DPP6: variants seen among roughly 807,000 people sequenced by gnomAD.
The protein encoded by DPP6 is dipeptidyl peptidase like 6.
A neutral mutation model predicts 122.6 loss-of-function variants in DPP6; 69 were observed. That is an observed-to-expected ratio of 0.56 (90% CI 0.46 to 0.69). The LOEUF (loss-of-function observed/expected upper bound fraction) is 0.69, where lower values mean the gene tolerates loss of function less well. DPP6 is among the 30% of genes least tolerant of loss of function. The pLI is 0.00. For missense variants in DPP6, 928 were observed against 1,116.9 expected (o/e 0.83, Z 2.41); for synonymous variants, 418 against 433.1 (o/e 0.97, Z 0.43).
intron 1 of DPP6, among the ~76,000 whole-genome samples, chr7:153,966,501 C>T (rs1410874935): frequency 7.0e-6 from 1 of 142,876 alleles, no homozygotes; most frequent in African/African-American, 2.6e-5. Context: ...CGTTCATCTT[C>T]CTCTCCTCCT....
At chr7:154,784,328 G>A (rs1797209619) in intron 10 of DPP6, among the ~76,000 whole-genome samples, 2 of 152,060 alleles carry the variant, frequency 1.3e-5, no homozygotes, top group Non-Finnish European at 2.9e-5. Context: ...ACTTGCCTGA[G>A]GAAAACCTTA....
intron 8 of DPP6, 148 bp from the exon 9 acceptor site, chr7:154,769,269 A>G: frequency 4.1e-6 from 4 of 970,734 alleles, no homozygotes; most frequent in Non-Finnish European, 6.0e-6. Context: ...CATGTGCAGA[A>G]CACAGTGAAG....
At chr7:154,565,397 T>C (rs1025889075) in intron 4 of DPP6, among the ~76,000 whole-genome samples, 15 of 152,324 alleles carry the variant, frequency 9.8e-5, no homozygotes, top group African/African-American at 3.6e-4. Flanking sequence ...TCCCAAGGTG[T>C]GCACCATGTG....
intron 1 of DPP6, among the ~76,000 whole-genome samples, chr7:154,419,915 A>T (rs571099474): frequency 1.3e-5 from 2 of 152,252 alleles, no homozygotes; most frequent in South Asian, 2.1e-4. Flanking sequence ...AGCACCATTC[A>T]CGGCAGCCGA....
At chr7:154,672,988 T>C (rs1443513208) in intron 7 of DPP6, among the ~76,000 whole-genome samples, 1 of 152,112 alleles carries the variant, frequency 6.6e-6, no homozygotes, top group African/African-American at 2.4e-5. Context: ...ACCCCTGTTT[T>C]AGGGGATCAT....
chr7:153,847,435 A>G, the DPP6 span, among the ~76,000 whole-genome samples: 1 of 152,210 alleles, frequency 6.6e-6, no homozygotes. Flanking sequence ...TTGACTATGC[A>G]TAATATTTTA....
chr7:154,487,820 G>A (rs931443091), intron 3 of DPP6, among the ~76,000 whole-genome samples: 1 of 152,000 alleles, frequency 6.6e-6, no homozygotes, highest in African/African-American at 2.4e-5. Context: ...TTCAAACATC[G>A]ATCACCTTCT....
At chr7:154,412,203 G>C (rs1297238049) in intron 1 of DPP6, among the ~76,000 whole-genome samples, 1 of 152,066 alleles carries the variant, frequency 6.6e-6, no homozygotes, top group Non-Finnish European at 1.5e-5. Flanking sequence ...CTAATCTTGG[G>C]GGTTAGGATT....
chr7:154,358,957 C>G (rs977967469), intron 1 of DPP6, among the ~76,000 whole-genome samples: 2 of 152,200 alleles, frequency 1.3e-5, no homozygotes, highest in Non-Finnish European at 2.9e-5. Context: ...CCACCTGCCT[C>G]GGCCTCCCAA....
At chr7:154,654,585 A>T (rs1264027814) in intron 6 of DPP6, among the ~76,000 whole-genome samples, 1 of 151,426 alleles carries the variant, frequency 6.6e-6, no homozygotes, top group African/African-American at 2.4e-5. Context: ...CACCCAGCTA[A>T]TTTTTTTATT....
chr7:154,046,053 A>T (rs1800003730), intron 1 of DPP6, among the ~76,000 whole-genome samples: 1 of 152,018 alleles, frequency 6.6e-6, no homozygotes, highest in African/African-American at 2.4e-5. Context: ...CAAGACCCAC[A>T]TTTCTGCTGG....
Position 154,427,558 on chromosome 7 carries a change from A to G in DPP6, c.244-18656A>G, listed in dbSNP as rs142729974. ...CACATGAATCTTAACAGAAGTTATC[A>G]TAAACATTTAAATATTTGCACTTGG... On this transcript the variant is annotated intron_variant, in intron 1 of 25. Transcript: ENST00000377770. Among the ~76,000 whole-genome samples, 591 of 152,366 alleles carry G rather than the reference A, an allele frequency of 3.9e-3. 7 individuals carry two copies. The highest frequency in any genetic ancestry group is 0.034 in the Admixed American group (521 of 15,314).
chr7:154,324,486 T>C (rs1019256996), intron 1 of DPP6, among the ~76,000 whole-genome samples: 14 of 152,166 alleles, frequency 9.2e-5, no homozygotes, highest in African/African-American at 3.4e-4. Flanking sequence ...CTTCTTCCTC[T>C]TACCACGGGG....
At chr7:154,242,580 T>A (rs1801693930) in intron 1 of DPP6, among the ~76,000 whole-genome samples, 1 of 152,184 alleles carries the variant, frequency 6.6e-6, no homozygotes, top group Non-Finnish European at 1.5e-5. Context: ...AGCACAGAAC[T>A]GTAATTCTTG....
intron 12 of DPP6, among the ~76,000 whole-genome samples, chr7:154,796,577 GC>G (rs1164198214): frequency 1.3e-5 from 2 of 152,214 alleles, no homozygotes; most frequent in Non-Finnish European, 2.9e-5. Context: ...AGCTTTGGAA[GC>G]TTCCTGTCTC....
At chr7:154,591,659 G>C (rs745740015) in intron 5 of DPP6, among the ~76,000 whole-genome samples, 1 of 152,162 alleles carries the variant, frequency 6.6e-6, no homozygotes, top group African/African-American at 2.4e-5. Context: ...AAGATTAAGA[G>C]CTATGCTGTT....
intron 6 of DPP6, among the ~76,000 whole-genome samples, chr7:154,653,843 C>T (rs1455148700): frequency 6.6e-6 from 1 of 152,128 alleles, no homozygotes. Flanking sequence ...TTTACAGTGA[C>T]AGAGAAGACA....
At chr7:154,762,340 A>G (rs1219667650) in intron 8 of DPP6, among the ~76,000 whole-genome samples, 2 of 152,202 alleles carry the variant, frequency 1.3e-5, no homozygotes, top group African/African-American at 4.8e-5. Flanking sequence ...TGGAAAATAC[A>G]GTGTGCCACA....
chr7:154,160,964 A>G (rs932290300), intron 1 of DPP6, among the ~76,000 whole-genome samples: 24 of 152,148 alleles, frequency 1.6e-4, no homozygotes, highest in Admixed American at 2.0e-4. Context: ...AGTGCCTACA[A>G]TTCCCAAATT....
Sources: gnomAD v4.1 joint callset for allele counts (sites outside exome capture counted in the v4.1 genomes callset) on GRCh38, gnomAD v4.1.1 for gene constraint, MANE v1.5 for transcripts, NCBI Gene and HGNC (gene_info 2026-07-23, HGNC 2026-07-21) for gene names.